TUSC3: variants seen among roughly 807,000 people sequenced by gnomAD.
The protein encoded by TUSC3 is dolichyl-diphosphooligosaccharide--protein glycosyltransferase subunit TUSC3.
In TUSC3, 45 loss-of-function variants were observed where a neutral mutation model predicts 44.8. That is an observed-to-expected ratio of 1.00 (90% CI 0.79 to 1.29). TUSC3 has a LOEUF of 1.29. Ranked by LOEUF, TUSC3 falls within the 50% of genes most tolerant of loss-of-function variation. The probability of loss-of-function intolerance (pLI) is 0.00; values close to 1 mark genes in which losing one functional copy is unlikely to be tolerated. For missense variants in TUSC3, 519 were observed against 437.9 expected (o/e 1.19, Z -1.65); for synonymous variants, 212 against 152.9 (o/e 1.39, Z -2.85).
At chr8:15,589,314 G>T (rs1803726307) in intron 1 of TUSC3, among the ~76,000 whole-genome samples, 1 of 152,052 alleles carries the variant, frequency 6.6e-6, no homozygotes, top group African/African-American at 2.4e-5. Context: ...TTTACATTTT[G>T]ATTCAGACTC....
At chr8:15,594,508 A>G (rs578070287) in intron 1 of TUSC3, among the ~76,000 whole-genome samples, 1 of 152,188 alleles carries the variant, frequency 6.6e-6, no homozygotes, top group South Asian at 2.1e-4. Context: ...TGTGACTATC[A>G]TTGAGGTTTG....
At chr8:15,445,630 G>A (rs1037912343) in intron 1 of TUSC3, among the ~76,000 whole-genome samples, 5 of 152,294 alleles carry the variant, frequency 3.3e-5, no homozygotes, top group African/African-American at 9.6e-5. Flanking sequence ...GCACTGGGTT[G>A]GGGGTAAGGT....
intron 10 of TUSC3, among the ~76,000 whole-genome samples, chr8:15,758,871 G>T (rs1403406372): frequency 6.6e-6 from 1 of 152,048 alleles, no homozygotes; most frequent in Admixed American, 6.6e-5. Context: ...GATCTAAAAA[G>T]CTTCCATTCC....
At chr8:15,668,780 T>C (rs1230104244) in intron 5 of TUSC3, among the ~76,000 whole-genome samples, 2 of 151,802 alleles carry the variant, frequency 1.3e-5, no homozygotes, top group Admixed American at 1.3e-4. Context: ...CTAGTGTCAC[T>C]TTTGTCCTGA....
chr8:15,465,139 G>T (rs1987900), intron 1 of TUSC3, among the ~76,000 whole-genome samples: 22,448 of 152,168 alleles, frequency 0.15, 1,920 homozygotes, highest in East Asian at 0.32. Flanking sequence ...GAGCCACTGT[G>T]CCTGGTCAAA....
At chr8:15,762,612 C>T (rs115818975) in intron 10 of TUSC3, among the ~76,000 whole-genome samples, 113 of 152,136 alleles carry the variant, frequency 7.4e-4, no homozygotes, top group African/African-American at 2.5e-3. Flanking sequence ...ATCTGCAGAG[C>T]CTTTAAACAC....
intron 10 of TUSC3, among the ~76,000 whole-genome samples, chr8:15,761,216 T>G (rs891255808): frequency 6.6e-6 from 1 of 152,164 alleles, no homozygotes; most frequent in Non-Finnish European, 1.5e-5. Flanking sequence ...ATATTAATCC[T>G]TAGCAAATCA....
intron 1 of TUSC3, among the ~76,000 whole-genome samples, chr8:15,418,899 C>T (rs1353845488): frequency 1.3e-5 from 2 of 152,152 alleles, no homozygotes; most frequent in African/African-American, 4.8e-5. Flanking sequence ...CTAGCTACTT[C>T]AGAAGCTGAG....
chr8:15,659,601 C>T lies in TUSC3; in HGVS notation c.521C>T (p.Ala174Val), dbSNP rs1394714301. Residue 174 changes from alanine (A) to valine (V), a missense_variant, in exon 4 of 11, where the codon GCA (alanine) becomes GTA (valine). By Grantham distance (64) the Ala-to-Val change is moderately conservative. Transcript: ENST00000503731. The part of the protein sequence containing the change: ...DTFDLQRIGF[A>V]AEQLAKWIAD... Reference sequence around the variant, plus strand: ...TTTGACCTCCAAAGAATTGGATTTGCAGCTGAGCAACTAGCAAAGTGGATT... The same window carrying T: ...TTTGACCTCCAAAGAATTGGATTTGTAGCTGAGCAACTAGCAAAGTGGATT... 1 of 1,613,370 alleles carries T rather than the reference C, an allele frequency of 6.2e-7. No homozygotes were observed. The highest frequency in any genetic ancestry group is 8.5e-7 in the Non-Finnish European group (1 of 1,179,682).
the TUSC3 span, among the ~76,000 whole-genome samples, chr8:15,773,924 T>C: frequency 6.6e-6 from 1 of 152,148 alleles, no homozygotes; most frequent in African/African-American, 2.4e-5. Flanking sequence ...CGATGTAAAC[T>C]TAAGGGCTAA....
chr8:15,657,762 C>A (rs531982100), intron 3 of TUSC3, among the ~76,000 whole-genome samples: 2 of 152,272 alleles, frequency 1.3e-5, no homozygotes, highest in South Asian at 2.1e-4. Context: ...TGTAGCAGCA[C>A]CCAGTGCCTC....
intron 1 of TUSC3, among the ~76,000 whole-genome samples, chr8:15,608,295 C>G (rs1227560652): frequency 6.6e-6 from 1 of 151,752 alleles, no homozygotes; most frequent in Non-Finnish European, 1.5e-5. Flanking sequence ...TACTGAATTC[C>G]TTAGTTTTTT....
chr8:15,616,610 A>T (rs1804996539), intron 1 of TUSC3, among the ~76,000 whole-genome samples: 1 of 152,216 alleles, frequency 6.6e-6, no homozygotes, highest in East Asian at 1.9e-4. Context: ...TGATTTTAAA[A>T]TAAATTCAAA....
At chr8:15,790,167 C>T in the TUSC3 span, among the ~76,000 whole-genome samples, 5 of 132,222 alleles carry the variant, frequency 3.8e-5, no homozygotes, top group African/African-American at 5.7e-5. Flanking sequence ...ACTAACAGGT[C>T]ATTGTTAAGG....
chr8:15,472,427 T>G (rs1800506956), intron 1 of TUSC3, among the ~76,000 whole-genome samples: 1 of 152,220 alleles, frequency 6.6e-6, no homozygotes, highest in South Asian at 2.1e-4. Flanking sequence ...TTGCTATAAG[T>G]AAATCATTTT....
chr8:15,474,968 A>G (rs1461653363), intron 1 of TUSC3, among the ~76,000 whole-genome samples: 1 of 152,176 alleles, frequency 6.6e-6, no homozygotes, highest in African/African-American at 2.4e-5. Context: ...CTTCTGTGAC[A>G]CTTGCAGATG....
intron 6 of TUSC3, among the ~76,000 whole-genome samples, chr8:15,688,044 C>T (rs930992915): frequency 6.6e-6 from 1 of 151,810 alleles, no homozygotes; most frequent in East Asian, 1.9e-4. Context: ...ATCAGTCCTC[C>T]CACAGAGAAA....
chr8:15,745,412 T>G (rs577061873), intron 8 of TUSC3, among the ~76,000 whole-genome samples: 5 of 152,228 alleles, frequency 3.3e-5, no homozygotes, highest in Non-Finnish European at 7.4e-5. Flanking sequence ...TGCTCTAATT[T>G]ACATTCCCGA....
intron 2 of TUSC3, among the ~76,000 whole-genome samples, chr8:15,488,051 T>C (rs1365828375): frequency 6.6e-6 from 1 of 152,108 alleles, no homozygotes; most frequent in Admixed American, 6.5e-5. Context: ...TCAGTTTCAT[T>C]ATCTATAAAA....
Sources: allele counts gnomAD v4.1 joint callset (sites outside exome capture counted in the v4.1 genomes callset), GRCh38; gene constraint gnomAD v4.1.1; transcripts MANE v1.5; gene names NCBI Gene and HGNC (gene_info 2026-07-23, HGNC 2026-07-21).